CALN1: variants seen among roughly 807,000 people sequenced by gnomAD.
CALN1 encodes the protein calcium-binding protein 8.
In CALN1, 17 loss-of-function variants were observed where a neutral mutation model predicts 30.6. The ratio of observed to expected loss-of-function variants is 0.56; its 90% CI spans 0.38 to 0.83. The LOEUF (loss-of-function observed/expected upper bound fraction) is 0.83, where lower values mean the gene tolerates loss of function less well. Among genes scored for constraint, CALN1 ranks in the 40% least tolerant of loss-of-function variants. CALN1 has a pLI of 0.00. For missense variants in CALN1, 291 were observed against 354.9 expected, an observed-to-expected ratio of 0.82 and a Z score of 1.45; for synonymous variants, 156 against 131.4, an observed-to-expected ratio of 1.19 and a Z score of -1.28.
chr7:71,861,791 A>AT (rs1423310992), intron 5 of CALN1, among the ~76,000 whole-genome samples: 5 of 151,528 alleles, frequency 3.3e-5, no homozygotes, highest in African/African-American at 1.2e-4. Context: ...AAAAAAAAAA[A>AT]AAAAAAAAAG....
intron 3 of CALN1, among the ~76,000 whole-genome samples, chr7:72,163,986 C>T (rs1393375550): frequency 1.3e-5 from 2 of 151,902 alleles, no homozygotes; most frequent in African/African-American, 4.8e-5. Context: ...GATAAAAGAT[C>T]AAGAAAGAAG....
At chr7:72,320,343 C>A (rs548142702) in intron 2 of CALN1, among the ~76,000 whole-genome samples, 1 of 152,102 alleles carries the variant, frequency 6.6e-6, no homozygotes, top group Non-Finnish European at 1.5e-5. Context: ...TCCAGTGAGT[C>A]GAGCCTGAAG....
intron 3 of CALN1, among the ~76,000 whole-genome samples, chr7:72,240,763 G>A (rs1275049263): frequency 6.6e-6 from 1 of 152,186 alleles, no homozygotes; most frequent in Non-Finnish European, 1.5e-5. Context: ...CAGTGTTCTT[G>A]GAGAAAGAAT....
At chr7:72,178,019 G>C in intron 3 of CALN1, among the ~76,000 whole-genome samples, 1 of 152,172 alleles carries the variant, frequency 6.6e-6, no homozygotes, top group East Asian at 1.9e-4. Flanking sequence ...AGTTGAATCT[G>C]AGGCCTTTTA....
intron 2 of CALN1, among the ~76,000 whole-genome samples, chr7:72,286,028 G>A (rs1320554149): frequency 2.6e-5 from 4 of 152,162 alleles, no homozygotes; most frequent in African/African-American, 9.7e-5. Flanking sequence ...CACCACCAAT[G>A]CCAGAGTATG....
At chr7:71,916,467 C>T (rs1200592789) in intron 5 of CALN1, among the ~76,000 whole-genome samples, 3 of 152,026 alleles carry the variant, frequency 2.0e-5, no homozygotes, top group Non-Finnish European at 4.4e-5. Flanking sequence ...GGTACACATA[C>T]ACCATAGAAT....
chr7:72,054,733 G>A (rs1341536996), intron 4 of CALN1, among the ~76,000 whole-genome samples: 3 of 151,718 alleles, frequency 2.0e-5, no homozygotes, highest in Non-Finnish European at 4.4e-5. Context: ...ATGCGAAGAG[G>A]GGAACAACAG....
intron 3 of CALN1, among the ~76,000 whole-genome samples, chr7:72,206,301 C>T: frequency 6.6e-6 from 1 of 152,172 alleles, no homozygotes; most frequent in Admixed American, 6.5e-5. Flanking sequence ...TCTGTTGGAT[C>T]TTTGCTGTCT....
intron 5 of CALN1, among the ~76,000 whole-genome samples, chr7:71,921,552 C>T (rs1302311939): frequency 6.6e-6 from 1 of 152,060 alleles, no homozygotes; most frequent in East Asian, 1.9e-4. Flanking sequence ...CACCTTAATA[C>T]ATATATTATC....
chr7:72,311,651 A>ATTTTTTTTTTTTTTTTTTT (rs56197069), intron 2 of CALN1, among the ~76,000 whole-genome samples: 6 of 48,534 alleles, frequency 1.2e-4, no homozygotes, highest in Non-Finnish European at 2.3e-4. Context: ...CCTGGCTGAG[A>ATTTTTTTTTTTTTTTTTTT]TTTTTTTTTT....
At chr7:71,816,505 G>A (rs1269857892) in intron 5 of CALN1, among the ~76,000 whole-genome samples, 2 of 152,138 alleles carry the variant, frequency 1.3e-5, no homozygotes, top group Non-Finnish European at 2.9e-5. Context: ...AGGTCAACAA[G>A]ACTCAGAAAA....
In CALN1 at chr7:72,089,654, T is replaced by C. The variant is rs79584243; in HGVS notation, c.388+16497A>G. 9.0e-3 allele frequency among the ~76,000 whole-genome samples: 1,369 copies of C among 152,194 alleles called. 25 individuals carry two copies. The highest frequency in any genetic ancestry group is 0.031 in the African/African-American group (1,288 of 41,510). ...CCACTGCGCATAAAGATAAATGTTA[T>C]GCAAACACAAGCAAAAAGGTTATGT... On this transcript the variant is annotated intron_variant, in intron 4 of 6. Transcript: ENST00000395275.
intron 5 of CALN1, among the ~76,000 whole-genome samples, chr7:71,995,042 C>T (rs1362966423): frequency 6.6e-6 from 1 of 152,090 alleles, no homozygotes; most frequent in Non-Finnish European, 1.5e-5. Flanking sequence ...TCAGTAGAGA[C>T]GGGGTTTCAC....
chr7:72,242,308 T>C (rs35058779), intron 3 of CALN1, among the ~76,000 whole-genome samples: 28,743 of 152,056 alleles, frequency 0.19, 3,770 homozygotes, highest in East Asian at 0.43. Context: ...AACATAGATG[T>C]GCACATATCT....
At chr7:72,267,380 T>C (rs2034174189) in intron 3 of CALN1, among the ~76,000 whole-genome samples, 1 of 152,210 alleles carries the variant, frequency 6.6e-6, no homozygotes, top group African/African-American at 2.4e-5. Flanking sequence ...TTTCCTGGGC[T>C]GCAGGGCACC....
chr7:71,796,592 T>A (rs547897564), intron 6 of CALN1, among the ~76,000 whole-genome samples: 46 of 152,154 alleles, frequency 3.0e-4, no homozygotes, highest in African/African-American at 1.0e-3. Flanking sequence ...ACTACTGACC[T>A]CATGATCCAC....
In CALN1 at chr7:72,330,483, A is replaced by AG. The variant is rs1340424644; in HGVS notation, c.120-51674_120-51673insC. Among the ~76,000 whole-genome samples the AG allele has an allele frequency of 2.1e-4, 32 of 151,600 alleles. No homozygotes were observed. In the South Asian group the frequency reaches 5.9e-3, roughly 28 times the overall value. ...ACTGTCTCCAAAAAAAAAAAAAAAAAAAAGAGAGAGAGACCTTTGTTGGCC... is the reference window on the plus strand; with the variant it reads ...ACTGTCTCCAAAAAAAAAAAAAAAAAGAAAGAGAGAGAGACCTTTGTTGGCC... On this transcript the variant is annotated intron_variant, in intron 2 of 6. Transcript: ENST00000395275.
intron 3 of CALN1, among the ~76,000 whole-genome samples, chr7:72,122,042 C>G (rs1172019804): frequency 6.6e-6 from 1 of 151,848 alleles, no homozygotes; most frequent in South Asian, 2.1e-4. Flanking sequence ...TCATTCGTCA[C>G]ACAGCCACAG....
chr7:72,487,951 AAGGAAAGGAAGG>A, the CALN1 span, among the ~76,000 whole-genome samples: 8 of 72,394 alleles, frequency 1.1e-4, no homozygotes, highest in East Asian at 5.8e-4. Flanking sequence ...GGAAGGAAGG[AAGGAAAGGAAGG>A]AAGGAAGGAA....
Sources: gnomAD v4.1 joint callset for allele counts (sites outside exome capture counted in the v4.1 genomes callset) on GRCh38, gnomAD v4.1.1 for gene constraint, MANE v1.5 for transcripts, NCBI Gene and HGNC (gene_info 2026-07-23, HGNC 2026-07-21) for gene names.